The following ERC2 variants were observed in gnomAD, a reference collection of about 807,000 sequenced individuals.
The protein encoded by ERC2 is ELKS/RAB6-interacting/CAST family member 2.
In ERC2, 42 loss-of-function variants were observed where a neutral mutation model predicts 114.8. That is an observed-to-expected ratio of 0.37 (90% CI 0.29 to 0.47). ERC2 has a LOEUF of 0.47. Ranked by LOEUF, ERC2 falls within the 20% of genes least tolerant of loss-of-function variation. The pLI is 0.99. For synonymous variants in ERC2, 454 were observed against 425.5 expected (o/e 1.07, Z -0.82); for missense variants, 939 against 1,150.7 (o/e 0.82, Z 2.66).
At chr3:55,671,797 A>G (rs760970867) in intron 17 of ERC2, among the ~76,000 whole-genome samples, 14 of 152,268 alleles carry the variant, frequency 9.2e-5, no homozygotes, top group South Asian at 6.2e-4. Flanking sequence ...CTATAGTCCA[A>G]GAGAAGTCAG....
intron 6 of ERC2, among the ~76,000 whole-genome samples, chr3:56,106,786 A>C (rs2149817120): frequency 6.6e-6 from 1 of 152,316 alleles, no homozygotes; most frequent in South Asian, 2.1e-4. Context: ...CTAGCAAGTC[A>C]CTGGAAATAT....
At chr3:55,741,234 A>G (rs2065946711) in intron 14 of ERC2, among the ~76,000 whole-genome samples, 1 of 152,218 alleles carries the variant, frequency 6.6e-6, no homozygotes, top group Non-Finnish European at 1.5e-5. Context: ...ATACATTGGC[A>G]GAAATCACCT....
chr3:55,974,264 T>C (rs2069404011), intron 12 of ERC2, among the ~76,000 whole-genome samples: 2 of 152,228 alleles, frequency 1.3e-5, no homozygotes, highest in South Asian at 2.1e-4. Context: ...GTGTGATTAC[T>C]AGCCGGACAG....
At chr3:56,347,561 C>G (rs1314373145) in intron 2 of ERC2, among the ~76,000 whole-genome samples, 1 of 152,018 alleles carries the variant, frequency 6.6e-6, no homozygotes. Flanking sequence ...GCAGTTCTTT[C>G]TGGAACCAGC....
chr3:55,713,115 T>A (rs1196333009), intron 15 of ERC2, among the ~76,000 whole-genome samples: 1 of 114,452 alleles, frequency 8.7e-6, no homozygotes, highest in African/African-American at 4.0e-5. Context: ...TCTCTCTCTC[T>A]CTCTCTCTCT....
intron 2 of ERC2, among the ~76,000 whole-genome samples, chr3:56,316,566 T>C (rs1192196557): frequency 6.6e-6 from 1 of 152,154 alleles, no homozygotes; most frequent in African/African-American, 2.4e-5. Flanking sequence ...CACTGTAAAA[T>C]GGAGATGATA....
chr3:55,673,840 T>C (rs1038854975), intron 17 of ERC2, among the ~76,000 whole-genome samples: 29 of 149,006 alleles, frequency 1.9e-4, no homozygotes, highest in Non-Finnish European at 5.9e-5. Context: ...TAGAGTGATT[T>C]GTACAGAAAC....
At position 55,710,566 on chromosome 3, in the gene ERC2, T is replaced by C. The variant is rs540373322; in HGVS notation, c.2713-11054A>G. 2.0e-5 allele frequency among the ~76,000 whole-genome samples: 3 copies of C among 152,308 alleles called. No individual in the cohort carries two copies. In the South Asian group the frequency reaches 6.2e-4, roughly 32 times the overall value. On this transcript the variant is annotated intron_variant, in intron 15 of 17. Coordinates refer to ENST00000288221, the MANE Select transcript of ERC2 (RefSeq NM_015576.3). ...AAAACACTTTCTCTTAGTCACCTAT[T>C]TAAGGTGGAATCCAAAAAGCCTGGT...
At chr3:55,870,699 C>T (rs764725515) in intron 14 of ERC2, among the ~76,000 whole-genome samples, 77 of 152,116 alleles carry the variant, frequency 5.1e-4, no homozygotes, top group Non-Finnish European at 9.3e-4. Context: ...GAGACCCATT[C>T]CCAGGGGGCT....
chr3:55,722,394 C>A (rs1410248407), intron 15 of ERC2, among the ~76,000 whole-genome samples: 4 of 152,146 alleles, frequency 2.6e-5, no homozygotes, highest in Non-Finnish European at 5.9e-5. Flanking sequence ...CCTCCATGCA[C>A]AGGGCTTCCA....
chr3:55,826,185 G>T lies in ERC2; in HGVS notation c.2564+62204C>A, dbSNP rs188383304. Among the ~76,000 whole-genome samples, 4 of 152,254 alleles carry T rather than the reference G, an allele frequency of 2.6e-5. No homozygotes were observed. In the East Asian group the frequency reaches 7.7e-4, roughly 29 times the overall value. ...GCAATACTGGCAAATTACAAAGTTG[G>T]GTGGATGGCAAACACCAGCACACTT... On this transcript the variant is annotated intron_variant, in intron 14 of 17. Transcript: ENST00000288221.
At chr3:56,044,389 A>G (rs1279029030) in intron 7 of ERC2, among the ~76,000 whole-genome samples, 1 of 151,776 alleles carries the variant, frequency 6.6e-6, no homozygotes, top group Non-Finnish European at 1.5e-5. Flanking sequence ...TTTGAATTCT[A>G]AATTTGGTTA....
chr3:56,459,737 G>A (rs1354749587), intron 1 of ERC2, among the ~76,000 whole-genome samples: 1 of 152,084 alleles, frequency 6.6e-6, no homozygotes, highest in Admixed American at 6.5e-5. Flanking sequence ...TGACTTCCAG[G>A]AAAAAATAAC....
chr3:56,077,286 C>T (rs2149746870), intron 7 of ERC2, among the ~76,000 whole-genome samples: 1 of 152,286 alleles, frequency 6.6e-6, no homozygotes, highest in South Asian at 2.1e-4. Flanking sequence ...GCTACATTGC[C>T]AGTGGTTTTA....
chr3:55,925,599 A>G (rs2065699511), intron 13 of ERC2, among the ~76,000 whole-genome samples: 5 of 152,192 alleles, frequency 3.3e-5, no homozygotes. Flanking sequence ...GTCCCTGTGA[A>G]GCCAGACCAA....
At chr3:56,003,113 G>C in intron 10 of ERC2, 1 of 1,289,212 alleles carries the variant, frequency 7.8e-7, no homozygotes, top group Non-Finnish European at 1.0e-6. Flanking sequence ...TTGTACATCT[G>C]ATTGAACAAC....
intron 1 of ERC2, among the ~76,000 whole-genome samples, chr3:56,437,860 G>T (rs2062096701): frequency 6.6e-6 from 1 of 152,168 alleles, no homozygotes; most frequent in Non-Finnish European, 1.5e-5. Flanking sequence ...TGACATACTG[G>T]TGGCAGGGGG....
chr3:56,227,014 A>ACC (rs1237066282), intron 3 of ERC2, among the ~76,000 whole-genome samples: 2 of 151,548 alleles, frequency 1.3e-5, no homozygotes, highest in African/African-American at 4.9e-5. Flanking sequence ...AACTACCTCC[A>ACC]CCTCAGTGTG....
intron 14 of ERC2, among the ~76,000 whole-genome samples, chr3:55,779,125 C>A (rs1216230429): frequency 6.6e-6 from 1 of 151,892 alleles, no homozygotes; most frequent in Non-Finnish European, 1.5e-5. Context: ...GGGTTTGGAG[C>A]ATTTAATAGA....
Sources: gnomAD v4.1 joint callset for allele counts (sites outside exome capture counted in the v4.1 genomes callset) on GRCh38, gnomAD v4.1.1 for gene constraint, MANE v1.5 for transcripts, NCBI Gene and HGNC (gene_info 2026-07-23, HGNC 2026-07-21) for gene names.